Variants in INPP4B observed in about 807,000 individuals in gnomAD.
The protein encoded by INPP4B is inositol polyphosphate 4-phosphatase type II.
Under a neutral mutation model 122.5 loss-of-function variants are expected in INPP4B, and 55 were observed. That is an observed-to-expected ratio of 0.45 (90% CI 0.36 to 0.56). The LOEUF (loss-of-function observed/expected upper bound fraction) is 0.56. Among genes scored for constraint, INPP4B ranks in the 20% least tolerant of loss-of-function variants. INPP4B has a pLI of 0.00. For missense variants in INPP4B, 1,000 were observed against 1,097.7 expected (o/e 0.91, Z 1.26); for synonymous variants, 403 against 388.7 (o/e 1.04, Z -0.43).
intron 12 of INPP4B, among the ~76,000 whole-genome samples, chr4:142,223,925 C>A (rs1333773882): frequency 1.3e-5 from 2 of 152,150 alleles, no homozygotes; most frequent in Non-Finnish European, 2.9e-5. Flanking sequence ...ACAAACACAT[C>A]TACGAAGTTT....
chr4:142,354,494 A>ATCT lies in INPP4B; in HGVS notation c.373-39733_373-39732insAGA, dbSNP rs1215229747. Among the ~76,000 whole-genome samples, 4 of 152,028 alleles carry ATCT rather than the reference A, an allele frequency of 2.6e-5. No individual in the cohort carries two copies. In the East Asian group the frequency reaches 5.8e-4, roughly 22 times the overall value. The stretch of plus-strand genomic sequence containing the variant: ...TACCTTTTATCTATCTTGGGCATTT[A>ATCT]AGGAATAAACCGGCCAGAACAATTC... On this transcript the variant is annotated intron_variant, in intron 7 of 25. Coordinates refer to ENST00000262992, the MANE Select transcript of INPP4B (RefSeq NM_001101669.3).
chr4:142,211,434 G>A (rs1320156166), intron 12 of INPP4B, among the ~76,000 whole-genome samples: 1 of 152,050 alleles, frequency 6.6e-6, no homozygotes, highest in Non-Finnish European at 1.5e-5. Flanking sequence ...AAACCTCCTA[G>A]ATTAAAACCT....
chr4:142,476,513 A>G (rs1819800393), intron 2 of INPP4B, among the ~76,000 whole-genome samples: 1 of 152,218 alleles, frequency 6.6e-6, no homozygotes, highest in Non-Finnish European at 1.5e-5. Flanking sequence ...ATTAAAAAGC[A>G]CAGAGTGGCA....
chr4:142,607,912 T>C (rs143600204), intron 2 of INPP4B, among the ~76,000 whole-genome samples: 178 of 152,256 alleles, frequency 1.2e-3, no homozygotes, highest in Non-Finnish European at 3.5e-4. Flanking sequence ...TATATTCCTG[T>C]TCTATGGGGC....
intron 2 of INPP4B, among the ~76,000 whole-genome samples, chr4:142,493,961 A>C (rs1043935656): frequency 3.3e-5 from 5 of 152,134 alleles, no homozygotes; most frequent in Non-Finnish European, 5.9e-5. Context: ...AACTGGTGAG[A>C]GATAATCGAA....
rs1335008887 is a variant in INPP4B, at chr4:142,581,827, T to C, written c.-190-119101A>G. ...CTGTAATGATAAGACTCCTATACCA[T>C]CTGATCCTGAATTCACAGGGGCAGG... is the stretch of plus-strand genomic sequence containing the variant. On this transcript the variant is annotated intron_variant, in intron 2 of 25. Coordinates refer to ENST00000262992, the MANE Select transcript of INPP4B (RefSeq NM_001101669.3). Among the ~76,000 whole-genome samples the C allele has an allele frequency of 2.0e-5, 3 of 152,074 alleles. No homozygotes were observed. In the South Asian group the frequency reaches 6.2e-4, roughly 32 times the overall value.
At chr4:142,161,023 GA>G (rs1310333489) in intron 16 of INPP4B, among the ~76,000 whole-genome samples, 1 of 151,886 alleles carries the variant, frequency 6.6e-6, no homozygotes, top group African/African-American at 2.4e-5. Context: ...AAAGACTAAA[GA>G]AAGACATACA....
At chr4:142,451,357 T>TCTC in intron 3 of INPP4B, among the ~76,000 whole-genome samples, 2 of 149,874 alleles carry the variant, frequency 1.3e-5, no homozygotes, top group Middle Eastern at 6.8e-3. Flanking sequence ...TTCAAGCAAT[T>TCTC]CTCCTGCCTC....
chr4:142,845,469 T>C (rs1287859267), intron 1 of INPP4B, among the ~76,000 whole-genome samples: 1 of 151,988 alleles, frequency 6.6e-6, no homozygotes, highest in East Asian at 1.9e-4. Flanking sequence ...ACCTCCCCCG[T>C]CCAAACCCAG....
intron 25 of INPP4B, among the ~76,000 whole-genome samples, chr4:142,058,252 G>T (rs762724015): frequency 6.6e-6 from 1 of 151,902 alleles, no homozygotes; most frequent in African/African-American, 2.4e-5. Context: ...TAAATTGAGG[G>T]TAATCATTAT....
intron 5 of INPP4B, chr4:142,427,150 T>C (rs1184903912): frequency 1.7e-5 from 3 of 174,090 alleles, no homozygotes; most frequent in East Asian, 2.9e-4. Flanking sequence ...TTATCTGTAA[T>C]ACCCTTGAAA....
intron 7 of INPP4B, among the ~76,000 whole-genome samples, chr4:142,326,117 T>C (rs913188828): frequency 2.0e-5 from 3 of 152,238 alleles, no homozygotes; most frequent in Non-Finnish European, 4.4e-5. Context: ...ATAGTACTTA[T>C]TTCTGGTTCT....
chr4:142,710,900 A>T (rs990308300), intron 2 of INPP4B, among the ~76,000 whole-genome samples: 1 of 151,768 alleles, frequency 6.6e-6, no homozygotes, highest in Non-Finnish European at 1.5e-5. Flanking sequence ...TCTTCCCATC[A>T]CTCTGGTATT....
chr4:142,438,326 A>G (rs149512943), intron 3 of INPP4B, among the ~76,000 whole-genome samples: 2,525 of 152,300 alleles, frequency 0.017, 76 homozygotes, highest in African/African-American at 0.058. Flanking sequence ...AGTAACCAAA[A>G]CAGCATGGTA....
chr4:142,658,866 G>A lies in INPP4B; in HGVS notation c.-191+66973C>T, dbSNP rs182161964. On this transcript the variant is annotated intron_variant, in intron 2 of 25. Coordinates refer to ENST00000262992, the MANE Select transcript of INPP4B (RefSeq NM_001101669.3). ...CAGTTCTAGGAGGTCCAAGTTTATC[G>A]ACCTTAAGAGGACAGAAGCACCCAA... is the stretch of plus-strand genomic sequence containing the variant. Among the ~76,000 whole-genome samples the A allele has an allele frequency of 4.0e-3, 615 of 152,172 alleles. 5 individuals carry two copies. Among genetic ancestry groups the A allele is most frequent in the Non-Finnish European group, 6.9e-3 (469 of 68,022 alleles).
intron 2 of INPP4B, chr4:142,474,401 T>C (rs1369318459): frequency 6.6e-6 from 1 of 151,786 alleles, no homozygotes; most frequent in East Asian, 2.0e-4. Context: ...GTGATCCTTC[T>C]GCTGTCTGAG....
In INPP4B at chr4:142,712,125, C is replaced by G. The variant is rs184067332; in HGVS notation, c.-191+13714G>C. Among the ~76,000 whole-genome samples, 262 of 152,218 alleles carry G rather than the reference C, an allele frequency of 1.7e-3. 5 individuals carry two copies. Among genetic ancestry groups the G allele is most frequent in the Admixed American group, 0.016 (242 of 15,288 alleles). The stretch of plus-strand genomic sequence containing the variant: ...TTTTGCACCTTCTACCATGTGAGGA[C>G]GTAGCAAGGGAGTGCTAGCCCTCAC... On this transcript the variant is annotated intron_variant, in intron 2 of 25. Transcript: ENST00000262992.
intron 2 of INPP4B, among the ~76,000 whole-genome samples, chr4:142,674,552 C>T (rs751066991): frequency 2.0e-5 from 3 of 152,148 alleles, no homozygotes; most frequent in Non-Finnish European, 2.9e-5. Context: ...AACTCTCCAC[C>T]TCAAATCAAC....
At chr4:142,775,001 G>A (rs1199262562) in intron 1 of INPP4B, among the ~76,000 whole-genome samples, 2 of 151,920 alleles carry the variant, frequency 1.3e-5, no homozygotes, top group South Asian at 2.1e-4. Flanking sequence ...TTATGACCTT[G>A]ATACTTTTGA....
Sources: allele counts gnomAD v4.1 joint callset (sites outside exome capture counted in the v4.1 genomes callset), GRCh38; gene constraint gnomAD v4.1.1; transcripts MANE v1.5; gene names NCBI Gene and HGNC (gene_info 2026-07-23, HGNC 2026-07-21).